Variants in ELMO1 observed in about 807,000 individuals in gnomAD.
The protein encoded by ELMO1 is engulfment and cell motility protein 1.
A neutral mutation model predicts 98.9 loss-of-function variants in ELMO1; 26 were observed. The observed-to-expected ratio is 0.26, with a 90% CI of 0.19 to 0.36. The LOEUF (loss-of-function observed/expected upper bound fraction) is 0.36. ELMO1 is among the 10% of genes least tolerant of loss of function. The pLI, the probability that ELMO1 is intolerant of heterozygous loss-of-function variation, is 1.00. For synonymous variants in ELMO1, 346 were observed against 346.0 expected (o/e 1.00, Z 0.00); for missense variants, 627 against 935.2 (o/e 0.67, Z 4.30).
At chr7:37,290,009 A>T (rs1271795693) in intron 4 of ELMO1, among the ~76,000 whole-genome samples, 32 of 152,218 alleles carry the variant, frequency 2.1e-4, no homozygotes, top group Admixed American at 2.1e-3. Flanking sequence ...GCCTAAGCAT[A>T]AGTAAGACAG....
intron 4 of ELMO1, among the ~76,000 whole-genome samples, chr7:37,290,062 T>C (rs1298672322): frequency 2.6e-5 from 4 of 152,160 alleles, no homozygotes. Context: ...AGGATGGGTG[T>C]TTTCCTTAAG....
At chr7:36,857,721 A>G (rs1479760351) in intron 21 of ELMO1, among the ~76,000 whole-genome samples, 1 of 152,216 alleles carries the variant, frequency 6.6e-6, no homozygotes. Flanking sequence ...TCTGTCCCCA[A>G]AAAGGGCTAA....
At chr7:37,064,694 C>A (rs927844695) in intron 15 of ELMO1, among the ~76,000 whole-genome samples, 1 of 152,134 alleles carries the variant, frequency 6.6e-6, no homozygotes, top group Non-Finnish European at 1.5e-5. Flanking sequence ...CCTATTAAAA[C>A]CCTTCCTGCT....
chr7:37,106,594 A>G (rs1459132498), intron 14 of ELMO1, among the ~76,000 whole-genome samples: 1 of 152,100 alleles, frequency 6.6e-6, no homozygotes, highest in Non-Finnish European at 1.5e-5. Flanking sequence ...TTAAAGCAGC[A>G]AAAATAGACG....
intron 1 of ELMO1, among the ~76,000 whole-genome samples, chr7:37,362,256 G>A (rs1296006540): frequency 2.0e-5 from 3 of 151,264 alleles, no homozygotes; most frequent in African/African-American, 2.4e-5. Context: ...ACATCCTTGT[G>A]CCAGGTATTA....
chr7:37,115,542 A>G (rs2129281374), intron 14 of ELMO1, among the ~76,000 whole-genome samples: 1 of 151,940 alleles, frequency 6.6e-6, no homozygotes, highest in Non-Finnish European at 1.5e-5. Context: ...GATAAAATCT[A>G]ACACTCATTC....
intron 16 of ELMO1, among the ~76,000 whole-genome samples, chr7:36,948,284 G>T (rs17170804): frequency 1.3e-5 from 2 of 151,996 alleles, no homozygotes; most frequent in Admixed American, 1.3e-4. Flanking sequence ...GGTGAAGGAC[G>T]CTAAGGCAAT....
chr7:37,000,473 C>G (rs1792577639), intron 16 of ELMO1, among the ~76,000 whole-genome samples: 1 of 152,214 alleles, frequency 6.6e-6, no homozygotes, highest in African/African-American at 2.4e-5. Context: ...GCACTTAAAA[C>G]TCTCACTGTG....
At chr7:37,298,639 T>C (rs1798191216) in intron 4 of ELMO1, among the ~76,000 whole-genome samples, 1 of 137,850 alleles carries the variant, frequency 7.3e-6, no homozygotes, top group Non-Finnish European at 1.6e-5. Context: ...GAACTCATCA[T>C]TTTTTATGGC....
At chr7:37,322,278 G>C (rs1295709608) in intron 2 of ELMO1, among the ~76,000 whole-genome samples, 1 of 152,104 alleles carries the variant, frequency 6.6e-6, no homozygotes, top group Non-Finnish European at 1.5e-5. Context: ...AGAAGTTTGA[G>C]ACCAGCCTAG....
intron 16 of ELMO1, among the ~76,000 whole-genome samples, chr7:36,966,197 C>T (rs958382631): frequency 6.6e-5 from 10 of 152,214 alleles, no homozygotes; most frequent in African/African-American, 2.4e-4. Context: ...TTCAGCCATT[C>T]ATTATTGCAG....
At chr7:37,018,450 A>G (rs1794077324) in intron 15 of ELMO1, among the ~76,000 whole-genome samples, 1 of 151,700 alleles carries the variant, frequency 6.6e-6, no homozygotes, top group Admixed American at 6.6e-5. Flanking sequence ...AATCAAGCAC[A>G]TGGCATAGGC....
intron 1 of ELMO1, among the ~76,000 whole-genome samples, chr7:37,368,633 G>C (rs901190910): frequency 1.3e-5 from 2 of 152,142 alleles, no homozygotes; most frequent in East Asian, 3.8e-4. Context: ...AGGAAAAGAA[G>C]ATCACCACAT....
chr7:36,866,889 C>T (rs546014802), intron 20 of ELMO1, among the ~76,000 whole-genome samples: 20 of 152,204 alleles, frequency 1.3e-4, no homozygotes, highest in South Asian at 4.2e-4. Context: ...CTCTGGAGTA[C>T]GGGGAAAGGG....
intron 13 of ELMO1, among the ~76,000 whole-genome samples, chr7:37,210,505 GTA>G (rs200461606): frequency 3.5e-4 from 53 of 149,702 alleles, no homozygotes; most frequent in Non-Finnish European, 6.7e-4. Flanking sequence ...TACATTGTGT[GTA>G]TATATATATA....
chr7:37,123,713 G>C (rs1216372236), intron 14 of ELMO1, among the ~76,000 whole-genome samples: 1 of 152,194 alleles, frequency 6.6e-6, no homozygotes, highest in Non-Finnish European at 1.5e-5. Flanking sequence ...GAGGTACAAA[G>C]AGGAGCTGGT....
intron 13 of ELMO1, among the ~76,000 whole-genome samples, chr7:37,153,870 C>T (rs1788536430): frequency 6.6e-6 from 1 of 152,138 alleles, no homozygotes. Context: ...TCCCTGACCC[C>T]CGAGTAGCCT....
intron 21 of ELMO1, among the ~76,000 whole-genome samples, chr7:36,856,356 C>A (rs989172094): frequency 6.6e-6 from 1 of 152,208 alleles, no homozygotes; most frequent in Non-Finnish European, 1.5e-5. Flanking sequence ...CAGTGTCTGG[C>A]AGCCAAAATG....
intron 4 of ELMO1, among the ~76,000 whole-genome samples, chr7:37,288,229 C>CTTT (rs199907645): frequency 1.4e-5 from 2 of 146,032 alleles, no homozygotes; most frequent in Non-Finnish European, 3.0e-5. Flanking sequence ...CAAAGTGTCA[C>CTTT]TTTTTTTTTT....
Sources: gnomAD v4.1 joint callset for allele counts (sites outside exome capture counted in the v4.1 genomes callset) on GRCh38, gnomAD v4.1.1 for gene constraint, MANE v1.5 for transcripts, NCBI Gene and HGNC (gene_info 2026-07-23, HGNC 2026-07-21) for gene names.